Variants in KCTD20 observed in about 807,000 individuals in gnomAD.
KCTD20 encodes BTB/POZ domain-containing protein KCTD20.
Under a neutral mutation model 39.6 loss-of-function variants are expected in KCTD20, and 30 were observed. That is an observed-to-expected ratio of 0.76 (90% CI 0.57 to 1.03). The LOEUF (loss-of-function observed/expected upper bound fraction) is 1.03, where lower values mean the gene tolerates loss of function less well. Among genes scored for constraint, KCTD20 ranks in the 50% least tolerant of loss-of-function variants. The pLI is 0.00. For synonymous variants in KCTD20, 162 were observed against 180.6 expected, an observed-to-expected ratio of 0.90 and a Z score of 0.83; for missense variants, 422 against 522.0, an observed-to-expected ratio of 0.81 and a Z score of 1.87.
chr6:36,447,133 C>A (rs1775072196), intron 1 of KCTD20, among the ~76,000 whole-genome samples: 1 of 152,100 alleles, frequency 6.6e-6, no homozygotes, highest in African/African-American at 2.4e-5. Context: ...GTTGTGGAGT[C>A]AGTGTTGCCT....
In KCTD20 at chr6:36,488,154, A is replaced by T. The variant is rs1031312229; in HGVS notation, c.*979A>T. On this transcript the variant is annotated 3_prime_UTR_variant, in exon 8 of 8. Coordinates refer to ENST00000373731, the MANE Select transcript of KCTD20 (RefSeq NM_173562.5). ...GGAGTGAAGCTGGGTGGGAAGCATCATCTGCACAGTCCCTGTCCTAGTGCA... is the reference window on the plus strand; with the variant it reads ...GGAGTGAAGCTGGGTGGGAAGCATCTTCTGCACAGTCCCTGTCCTAGTGCA... 1 of 152,232 alleles carries T rather than the reference A, an allele frequency of 6.6e-6. No individual in the cohort carries two copies. Among genetic ancestry groups the T allele is most frequent in the Non-Finnish European group, 1.5e-5 (1 of 68,048 alleles). 9.4% of individuals were successfully genotyped at this position (152,232 alleles called of 1,614,324 possible).
intron 1 of KCTD20, among the ~76,000 whole-genome samples, chr6:36,452,999 CTTTT>C (rs59865602): frequency 1.7e-3 from 98 of 58,142 alleles, no homozygotes; most frequent in African/African-American, 6.5e-3. Context: ...GTTTTCTTAG[CTTTT>C]TTTTTTTTTT....
At position 36,488,105 on chromosome 6, in the gene KCTD20, T is replaced by TA. The variant is rs1184407856; in HGVS notation, c.*932dup. On this transcript the variant is annotated 3_prime_UTR_variant, in exon 8 of 8. Transcript: ENST00000373731. ...CTCAGTTTCTCAACAGAAAGACTCA[T>TA]AAGAGTGCCAGCATGGGGTACATGG... The TA allele has an allele frequency of 6.6e-6, 1 of 152,254 alleles. No homozygotes were observed. Among genetic ancestry groups the TA allele is most frequent in the African/African-American group, 2.4e-5 (1 of 41,456 alleles). The allele number at this position is 152,254 out of a possible 1,614,324, so 9.4% of individuals were successfully genotyped here. A position where few individuals can be genotyped will look rare whatever the true frequency, so the allele number is the denominator to read the frequency against.
chr6:36,487,228 CA>C lies in KCTD20; in HGVS notation c.*54del. The C allele has an allele frequency of 2.6e-6, 4 of 1,544,880 alleles. No homozygotes were observed. The highest frequency in any genetic ancestry group is 3.5e-6 in the Non-Finnish European group (4 of 1,139,208). ...GAGCCCATCTCACCTGGGATGCCTG[CA>C]GCCAGCCCTCCCTCGTGATTTGTCT... On this transcript the variant is annotated 3_prime_UTR_variant, in exon 8 of 8. Transcript: ENST00000373731.
intron 7 of KCTD20, 76 bp from the exon 8 acceptor site, chr6:36,486,807 G>T: frequency 8.4e-7 from 1 of 1,195,636 alleles, no homozygotes; most frequent in Non-Finnish European, 1.2e-6. Flanking sequence ...AAACTGATGT[G>T]GTTAGGAAGG....
Position 36,481,561 on chromosome 6 carries a change from G to T in KCTD20, c.659-1G>T, listed in dbSNP as rs1776249764. 2 of 1,612,748 alleles carry T rather than the reference G, an allele frequency of 1.2e-6. No homozygotes were observed. Among genetic ancestry groups the T allele is most frequent in the South Asian group, 1.1e-5 (1 of 91,056 alleles). On this transcript the variant is annotated splice_acceptor_variant, in intron 5 of 7. Transcript: ENST00000373731. LOFTEE classifies it high-confidence loss of function. Reference sequence around the variant, plus strand: ...TGTTCACCTACATTTTCTCTCTGCAGGTGCTTTACTCCATGAACTGTCTAA... The same window carrying T: ...TGTTCACCTACATTTTCTCTCTGCATGTGCTTTACTCCATGAACTGTCTAA...
intron 1 of KCTD20, among the ~76,000 whole-genome samples, chr6:36,453,842 T>G (rs542745715): frequency 1.3e-5 from 2 of 152,316 alleles, no homozygotes; most frequent in African/African-American, 4.8e-5. Context: ...TAAATTTTCC[T>G]TTGTGCCTGG....
At chr6:36,477,456 A>G (rs1203048849) in intron 3 of KCTD20, among the ~76,000 whole-genome samples, 4 of 150,950 alleles carry the variant, frequency 2.6e-5, no homozygotes, top group African/African-American at 9.7e-5. Context: ...TTTGGGAAGC[A>G]TGTGAAATGG....
rs867274010 is a variant in KCTD20, at chr6:36,486,912, A to C, written c.997A>C (p.Arg333=). 6.2e-7 allele frequency: 1 copy of C among 1,613,168 alleles called. No homozygotes were observed. Among genetic ancestry groups the C allele is most frequent in the African/African-American group, 1.3e-5 (1 of 74,802 alleles). Residue 333 remains arginine (R), a synonymous_variant, in exon 8 of 8, where the codon AGA becomes CGA. Transcript: ENST00000373731. The part of the protein sequence containing the change: ...GYPTCKEKIK[R]RPGGRSEVIY... ...CCCTACCTGTAAAGAAAAAATTAAG[A>C]GAAGGCCTGGCGGCCGGTCTGAAGT...
At chr6:36,472,851 A>C (rs1384753952) in intron 2 of KCTD20, among the ~76,000 whole-genome samples, 2 of 152,012 alleles carry the variant, frequency 1.3e-5, no homozygotes, top group African/African-American at 2.4e-5. Context: ...GATTTCATAT[A>C]TCTAGTTTTA....
rs1776500539 is a variant in KCTD20, at chr6:36,488,820, T to A, written c.*1645T>A. The A allele has an allele frequency of 6.6e-6, 1 of 152,662 alleles. No homozygotes were observed. Among genetic ancestry groups the A allele is most frequent in the Non-Finnish European group, 1.5e-5 (1 of 68,046 alleles). The allele number at this position is 152,662 out of a possible 1,614,324, so 9.5% of individuals were successfully genotyped here. ...AGCTCTTTCCAGGGCTGAAAAAGTG[T>A]TCTTACGTTCTCTGCATGTGACTAG... is the stretch of plus-strand genomic sequence containing the variant. On this transcript the variant is annotated 3_prime_UTR_variant, in exon 8 of 8. Coordinates refer to ENST00000373731, the MANE Select transcript of KCTD20 (RefSeq NM_173562.5).
rs1370975913 is a variant in KCTD20, at chr6:36,443,043, T to G, written c.-115T>G. The G allele has an allele frequency of 1.3e-5, 2 of 151,268 alleles. No individual in the cohort carries two copies. The highest frequency in any genetic ancestry group is 2.4e-5 in the African/African-American group (1 of 41,262). 9.4% of individuals were successfully genotyped at this position (151,268 alleles called of 1,614,324 possible). The stretch of plus-strand genomic sequence containing the variant: ...GCCGGTCCCGGCTGCGGCTTCTGGC[T>G]GCGCGGCCTGCGCGCGCCTCCCGGG... On this transcript the variant is annotated 5_prime_UTR_variant, in exon 1 of 8. Coordinates refer to ENST00000373731, the MANE Select transcript of KCTD20 (RefSeq NM_173562.5).
At chr6:36,453,195 A>G (rs1449670971) in intron 1 of KCTD20, among the ~76,000 whole-genome samples, 2 of 151,350 alleles carry the variant, frequency 1.3e-5, no homozygotes, top group African/African-American at 2.4e-5. Context: ...TATTATTAGT[A>G]GAGACAGGGT....
rs1291127727 is a variant in KCTD20 at position 36,484,710 on chromosome 6, TCAG to T, written c.857-3_857-1del. The T allele has an allele frequency of 3.4e-6, 5 of 1,466,374 alleles. No homozygotes were observed. The highest frequency in any genetic ancestry group is 1.8e-4 in the Middle Eastern group (1 of 5,668). 90.8% of individuals were successfully genotyped at this position (1,466,374 alleles called of 1,614,324 possible). ...TGGCTAACCCTATATTTTTTCTTTT[TCAG>T]TTCTTTATAGCTCCAAGCTCTACAG... is the stretch of plus-strand genomic sequence containing the variant. On this transcript the variant is annotated splice_acceptor_variant and splice_polypyrimidine_tract_variant and intron_variant, in intron 6 of 7. Transcript: ENST00000373731. LOFTEE classifies it high-confidence loss of function.
chr6:36,481,330 C>G (rs1776242087), intron 5 of KCTD20, among the ~76,000 whole-genome samples: 1 of 152,192 alleles, frequency 6.6e-6, no homozygotes, highest in Non-Finnish European at 1.5e-5. Flanking sequence ...AAACCTCGAT[C>G]AGAATGCTCA....
At chr6:36,448,628 A>G (rs1438850979) in intron 1 of KCTD20, among the ~76,000 whole-genome samples, 2 of 152,244 alleles carry the variant, frequency 1.3e-5, no homozygotes, top group Non-Finnish European at 2.9e-5. Context: ...GAAGGCCAAG[A>G]TGGTGTCAGG....
At chr6:36,472,590 A>G (rs923776994) in intron 2 of KCTD20, among the ~76,000 whole-genome samples, 3 of 138,996 alleles carry the variant, frequency 2.2e-5, no homozygotes, top group African/African-American at 8.9e-5. Flanking sequence ...ATGTTAACAA[A>G]TCTTGCCAAA....
chr6:36,454,782 C>T (rs537587542), intron 1 of KCTD20, among the ~76,000 whole-genome samples: 1 of 152,118 alleles, frequency 6.6e-6, no homozygotes, highest in African/African-American at 2.4e-5. Flanking sequence ...GGACTACAGG[C>T]ACCCACCTGC....
At chr6:36,478,087 T>C in intron 3 of KCTD20, among the ~76,000 whole-genome samples, 3 of 67,636 alleles carry the variant, frequency 4.4e-5, no homozygotes, top group African/African-American at 3.7e-4. Flanking sequence ...AGAGCGAAAC[T>C]CCATCTCAAA....
Sources: allele counts gnomAD v4.1 joint callset (sites outside exome capture counted in the v4.1 genomes callset), GRCh38; gene constraint gnomAD v4.1.1; transcripts MANE v1.5; gene names NCBI Gene and HGNC (gene_info 2026-07-23, HGNC 2026-07-21).